Variants in TMEM26 observed in about 807,000 individuals in gnomAD.
TMEM26 encodes the protein transmembrane protein 26.
Under a neutral mutation model 28.8 loss-of-function variants are expected in TMEM26, and 38 were observed. That is an observed-to-expected ratio of 1.32 (90% CI 1.02 to 1.73). The LOEUF is 1.73. Ranked by LOEUF, TMEM26 falls within the 40% of genes most tolerant of loss-of-function variation. The pLI, the probability that TMEM26 is intolerant of heterozygous loss-of-function variation, is 0.00. For synonymous variants in TMEM26, 227 were observed against 182.9 expected (o/e 1.24, Z -1.95); for missense variants, 518 against 447.1 (o/e 1.16, Z -1.43).
At chr10:61,411,174 C>G (rs1839563999) in intron 5 of TMEM26, among the ~76,000 whole-genome samples, 1 of 152,214 alleles carries the variant, frequency 6.6e-6, no homozygotes, top group African/African-American at 2.4e-5. Context: ...AGTCAGGAAG[C>G]ATGACTGCCG....
At chr10:61,425,568 A>G (rs1016843989) in intron 4 of TMEM26, among the ~76,000 whole-genome samples, 2 of 152,214 alleles carry the variant, frequency 1.3e-5, no homozygotes, top group African/African-American at 4.8e-5. Flanking sequence ...TGTATCAAGG[A>G]TATATAAAGA....
chr10:61,409,268 C>T lies in TMEM26; in HGVS notation c.*1054G>A, dbSNP rs1312476298. On this transcript the variant is annotated 3_prime_UTR_variant, in exon 6 of 6. Transcript: ENST00000399298. ...AAAGCGAATTGCCTGATTCCCACAA[C>T]GGGGTAGCACATTCCGACTCCCGTC... 1.3e-5 allele frequency: 2 copies of T among 152,306 alleles called. No individual in the cohort carries two copies. Among genetic ancestry groups the T allele is most frequent in the Middle Eastern group, 6.8e-3 (2 of 294 alleles). 9.4% of individuals were successfully genotyped at this position (152,306 alleles called of 1,614,324 possible).
At chr10:61,429,584 A>C (rs1013168649) in intron 3 of TMEM26, among the ~76,000 whole-genome samples, 2 of 152,104 alleles carry the variant, frequency 1.3e-5, no homozygotes, top group Admixed American at 6.6e-5. Context: ...TATTTTTAGC[A>C]TTGTACAAAT....
In TMEM26 at chr10:61,410,247, G is replaced by A; in HGVS notation, c.*75C>T. 7.0e-7 allele frequency: 1 copy of A among 1,425,396 alleles called. No individual in the cohort carries two copies. Among genetic ancestry groups the A allele is most frequent in the Non-Finnish European group, 9.5e-7 (1 of 1,054,822 alleles). 88.3% of individuals were successfully genotyped at this position (1,425,396 alleles called of 1,614,324 possible). A position where few individuals can be genotyped will look rare whatever the true frequency, so the allele number is the denominator to read the frequency against. On this transcript the variant is annotated 3_prime_UTR_variant, in exon 6 of 6. Transcript: ENST00000399298. ...TGAAAATTATTATACGCCAAGGTTGGAGGAGAAAAAGGATCCTCCCTGTAA... is the reference window on the plus strand; with the variant it reads ...TGAAAATTATTATACGCCAAGGTTGAAGGAGAAAAAGGATCCTCCCTGTAA...
chr10:61,425,021 C>A (rs1564475821), intron 4 of TMEM26, among the ~76,000 whole-genome samples: 1 of 152,122 alleles, frequency 6.6e-6, no homozygotes, highest in Non-Finnish European at 1.5e-5. Flanking sequence ...AAGACATACC[C>A]AACACTGGGT....
At chr10:61,440,514 CAAAAAAAAAA>C (rs60111640) in intron 1 of TMEM26, among the ~76,000 whole-genome samples, 1 of 99,058 alleles carries the variant, frequency 1.0e-5, no homozygotes, top group African/African-American at 3.7e-5. Flanking sequence ...TTCCAGTTCT[CAAAAAAAAAA>C]AAAAAAAAAA....
chr10:61,450,781 G>A (rs1021990704), intron 1 of TMEM26, among the ~76,000 whole-genome samples: 3 of 151,352 alleles, frequency 2.0e-5, no homozygotes, highest in Non-Finnish European at 4.4e-5. Flanking sequence ...TTTTTTTGAC[G>A]TTTTTGCCTG....
At chr10:61,436,073 G>A in intron 2 of TMEM26, 97 bp downstream of exon 2, 1 of 712,918 alleles carries the variant, frequency 1.4e-6, no homozygotes, top group Non-Finnish European at 2.3e-6. Flanking sequence ...GCTAACTCCA[G>A]TACCTTAGAA....
intron 4 of TMEM26, among the ~76,000 whole-genome samples, chr10:61,419,900 G>A (rs1421749542): frequency 6.6e-6 from 1 of 152,102 alleles, no homozygotes; most frequent in African/African-American, 2.4e-5. Context: ...AGCCAAAGAG[G>A]AAAGAAAATC....
At chr10:61,417,297 G>GA (rs971438023) in intron 4 of TMEM26, among the ~76,000 whole-genome samples, 9 of 151,770 alleles carry the variant, frequency 5.9e-5, no homozygotes, top group Non-Finnish European at 8.8e-5. Flanking sequence ...TTTTCTATTT[G>GA]AAAAAAATTG....
chr10:61,440,918 G>A (rs1053643797), intron 1 of TMEM26, among the ~76,000 whole-genome samples: 3 of 152,102 alleles, frequency 2.0e-5, no homozygotes. Context: ...ATATAAGATA[G>A]TGTAGTATTT....
At chr10:61,441,939 C>T (rs984233604) in intron 1 of TMEM26, among the ~76,000 whole-genome samples, 96 of 152,158 alleles carry the variant, frequency 6.3e-4, no homozygotes, top group African/African-American at 2.1e-3. Flanking sequence ...TAGCTCTTAG[C>T]CTACCTACCA....
chr10:61,438,586 A>G (rs763353300), intron 1 of TMEM26, among the ~76,000 whole-genome samples: 6 of 152,178 alleles, frequency 3.9e-5, no homozygotes, highest in Non-Finnish European at 7.3e-5. Flanking sequence ...TAAAACAAAC[A>G]ATACCCTTAA....
intron 1 of TMEM26, among the ~76,000 whole-genome samples, chr10:61,446,210 C>G (rs150026705): frequency 5.9e-5 from 9 of 152,260 alleles, no homozygotes; most frequent in African/African-American, 1.9e-4. Context: ...AAGCATGGTA[C>G]TAATTTTTGA....
chr10:61,447,409 G>A (rs535060265), intron 1 of TMEM26, among the ~76,000 whole-genome samples: 25 of 152,268 alleles, frequency 1.6e-4, no homozygotes, highest in Non-Finnish European at 3.4e-4. Context: ...CAATTTCACT[G>A]CTGAACTTTT....
In TMEM26 at chr10:61,431,262, G is replaced by A; in HGVS notation, c.341C>T (p.Thr114Ile). The A allele has an allele frequency of 6.2e-7, 1 of 1,613,162 alleles. No homozygotes were observed. The highest frequency in any genetic ancestry group is 8.5e-7 in the Non-Finnish European group (1 of 1,179,338). Reference sequence around the variant, plus strand: ...AGCTCTACTGGTTTGTTCATTGGATGTCAATGTTTGATTGAAGTCTTCTTT... The same window carrying A: ...AGCTCTACTGGTTTGTTCATTGGATATCAATGTTTGATTGAAGTCTTCTTT... The part of the protein sequence containing the change: ...SRKEDFNQTL[T>I]SNEQTSRADD... The change falls in exon 3 of 6, where the codon ACA (threonine) becomes ATA (isoleucine). Residue 114 changes from threonine (T) to isoleucine (I), a missense_variant. Transcript: ENST00000399298.
intron 4 of TMEM26, among the ~76,000 whole-genome samples, chr10:61,419,728 A>G (rs372489712): frequency 3.3e-5 from 5 of 152,104 alleles, no homozygotes; most frequent in Non-Finnish European, 7.4e-5. Flanking sequence ...TTAACAGAAG[A>G]CCCAGAAGAA....
rs1484490186 is a variant in TMEM26 at position 61,440,314 on chromosome 10, T to C, written c.192-4066A>G. Among the ~76,000 whole-genome samples the C allele has an allele frequency of 5.9e-5, 9 of 152,276 alleles. No homozygotes were observed. In the South Asian group the frequency reaches 1.9e-3, roughly 32 times the overall value. On this transcript the variant is annotated intron_variant, in intron 1 of 5. Coordinates refer to ENST00000399298, the MANE Select transcript of TMEM26 (RefSeq NM_178505.8). ...CTTGAATCAAGGGCCCTTCTTGTAC[T>C]GTTGAATACAAACATCGTTATGCTT...
At chr10:61,414,152 A>G in intron 4 of TMEM26, 1 of 672,988 alleles carries the variant, frequency 1.5e-6, no homozygotes, top group Non-Finnish European at 1.8e-6. Flanking sequence ...ACATATATTT[A>G]TGGAAGGAAT....
Sources: gnomAD v4.1 joint callset for allele counts (sites outside exome capture counted in the v4.1 genomes callset) on GRCh38, gnomAD v4.1.1 for gene constraint, MANE v1.5 for transcripts, NCBI Gene and HGNC (gene_info 2026-07-23, HGNC 2026-07-21) for gene names.